Variants in ABR observed in about 807,000 individuals in gnomAD.
ABR encodes ABR activator of RhoGEF and GTPase.
Under a neutral mutation model 107.2 loss-of-function variants are expected in ABR, and 35 were observed. The ratio of observed to expected loss-of-function variants is 0.33; its 90% confidence interval spans 0.25 to 0.43. The LOEUF is 0.43. ABR is among the 20% of genes least tolerant of loss of function. ABR has a pLI of 1.00. For missense variants in ABR, 815 were observed against 1,115.2 expected (o/e 0.73, Z 3.83); for synonymous variants, 498 against 462.0 (o/e 1.08, Z -1.00).
intron 1 of ABR, among the ~76,000 whole-genome samples, chr17:1,142,323 G>T (rs529926782): frequency 4.6e-5 from 7 of 151,966 alleles, no homozygotes; most frequent in Non-Finnish European, 1.0e-4. Context: ...AGTGGCTCAC[G>T]CCTGTCATCC....
intron 5 of ABR, among the ~76,000 whole-genome samples, chr17:1,079,870 C>T (rs1484371581): frequency 6.7e-6 from 1 of 149,890 alleles, no homozygotes; most frequent in Non-Finnish European, 1.5e-5. Context: ...CCTCTGCCAC[C>T]CCAATCCCCT....
At chr17:1,184,040 G>A (rs1161245152), upstream of ABR, among the ~76,000 whole-genome samples, 10 of 151,718 alleles carry the variant, frequency 6.6e-5, no homozygotes, top group African/African-American at 1.2e-4. Context: ...GTGAAACCCC[G>A]TCTCTACTAA....
chr17:1,152,400 G>A (rs2040836247), intron 1 of ABR, among the ~76,000 whole-genome samples: 1 of 151,640 alleles, frequency 6.6e-6, no homozygotes, highest in African/African-American at 2.4e-5. Flanking sequence ...GACCAGCCTG[G>A]TCAACATGGG....
intron 2 of ABR, among the ~76,000 whole-genome samples, chr17:1,104,707 C>T (rs2038127314): frequency 6.6e-6 from 1 of 152,244 alleles, no homozygotes; most frequent in Non-Finnish European, 1.5e-5. Flanking sequence ...ACCCTCTCCT[C>T]TCCCAGCGCT....
intron 16 of ABR, among the ~76,000 whole-genome samples, chr17:1,019,951 C>A (rs750511480): frequency 9.2e-5 from 14 of 152,172 alleles, no homozygotes; most frequent in Non-Finnish European, 1.8e-4. Flanking sequence ...AGCACTGGGG[C>A]CTCCCCAAGG....
chr17:1,113,292 T>TTC (rs1041549939), intron 2 of ABR, among the ~76,000 whole-genome samples: 5 of 142,832 alleles, frequency 3.5e-5, no homozygotes, highest in African/African-American at 1.0e-4. Flanking sequence ...TTTTTTTTTT[T>TTC]TTTTTTTTTT....
intron 10 of ABR, among the ~76,000 whole-genome samples, chr17:1,065,121 G>C (rs1200790055): frequency 1.6e-5 from 1 of 64,010 alleles, no homozygotes; most frequent in Non-Finnish European, 3.1e-5. Flanking sequence ...TGAGGGCTAT[G>C]CATGTTCCTC....
At chr17:1,173,132 CA>C (rs2041792902) in intron 1 of ABR, among the ~76,000 whole-genome samples, 7 of 118,772 alleles carry the variant, frequency 5.9e-5, no homozygotes, top group Non-Finnish European at 1.2e-4. Flanking sequence ...GTCCACCCCC[CA>C]CACATCACCT....
Position 1,013,076 on chromosome 17 carries a change from G to A in ABR, c.1851+29C>T, listed in dbSNP as rs200093564. ...ACAGACGTTCCACCTCCCGGCTCAC[G>A]CCACTGATCATTCCCATCCCCGGCT... On this transcript the variant is annotated intron_variant, in intron 17 of 22. Coordinates refer to ENST00000302538, the MANE Select transcript of ABR (RefSeq NM_021962.5). 3.2e-4 allele frequency: 508 copies of A among 1,612,440 alleles called. 2 individuals are homozygous for A. In the Middle Eastern group the frequency reaches 3.8e-3, roughly 12 times the overall value.
intron 1 of ABR, among the ~76,000 whole-genome samples, chr17:1,140,282 G>C (rs936262777): frequency 6.6e-6 from 1 of 152,206 alleles, no homozygotes; most frequent in Non-Finnish European, 1.5e-5. Context: ...GCTGGTTCCG[G>C]GGGAACAGAC....
In ABR at chr17:1,031,746, G is replaced by A. The variant is rs534723101; in HGVS notation, c.1791+18304C>T. On this transcript the variant is annotated intron_variant, in intron 16 of 22. Transcript: ENST00000302538. ...CTGGGGCAGGACGTCGGTCATGCCG[G>A]GGGGGACGGGACGCGGCGCTGGAGA... 6.5e-6 allele frequency: 8 copies of A among 1,237,406 alleles called. No homozygotes were observed. The African/African-American group carries it at 1.1e-4, about 17-fold the overall frequency. The allele number at this position is 1,237,406 out of a possible 1,614,324, so 76.7% of individuals were successfully genotyped here. A position where few individuals can be genotyped will look rare whatever the true frequency, so the allele number is the denominator to read the frequency against.
rs781645642 is a variant in ABR, at chr17:1,007,202, G to A, written c.2453C>T (p.Ser818Leu). Reference protein sequence around the residue: ...SEVESKAHLTSAADIWSHDVM... With the variant: ...SEVESKAHLTLAADIWSHDVM... ...GTCATGGGACCAGATGTCCGCAGCC[G>A]AGGTGAGGTGTGCTTTGCTCTCCAC... Residue 818 changes from serine (S) to leucine (L), a missense_variant, in exon 22 of 23, where the codon TCG becomes TTG. Transcript: ENST00000302538. 11 of 1,613,872 alleles carry A rather than the reference G, an allele frequency of 6.8e-6. No individual in the cohort carries two copies. In the East Asian group the frequency reaches 1.8e-4, roughly 26 times the overall value.
intron 2 of ABR, chr17:1,109,110 A>G: frequency 6.6e-7 from 1 of 1,525,586 alleles, no homozygotes; most frequent in Non-Finnish European, 8.8e-7. Flanking sequence ...AGCGGGGTCC[A>G]CGCAGCGGCG....
At chr17:1,046,432 G>A (rs942841073) in intron 16 of ABR, among the ~76,000 whole-genome samples, 6 of 152,010 alleles carry the variant, frequency 3.9e-5, no homozygotes, top group African/African-American at 1.4e-4. Context: ...CACCACGCCT[G>A]GCTAATTTTT....
intron 16 of ABR, among the ~76,000 whole-genome samples, chr17:1,032,926 G>T (rs1033248181): frequency 2.0e-5 from 3 of 152,188 alleles, no homozygotes; most frequent in Non-Finnish European, 2.9e-5. Context: ...TCTTTCAAAC[G>T]CCCGACTGCA....
intron 1 of ABR, among the ~76,000 whole-genome samples, chr17:1,217,503 A>G (rs11867310): frequency 0.34 from 51,261 of 152,038 alleles, 10,977 homozygotes; most frequent in Non-Finnish European, 0.49. Flanking sequence ...TGTTATATAC[A>G]TATTGACTTA....
chr17:1,026,512 G>A (rs1415816679), intron 16 of ABR, among the ~76,000 whole-genome samples: 3 of 152,176 alleles, frequency 2.0e-5, no homozygotes, highest in African/African-American at 7.2e-5. Flanking sequence ...AGCGGGACTG[G>A]GGAAGTCTCT....
intron 7 of ABR, 32 bp from the exon 8 acceptor site, chr17:1,072,786 G>A (rs528012673): frequency 1.2e-6 from 2 of 1,605,638 alleles, no homozygotes; most frequent in Non-Finnish European, 1.7e-6. Context: ...GTTGAGGGGA[G>A]CGGCTCTGGG....
intron 1 of ABR, chr17:1,228,360 A>G (rs562714532): frequency 6.5e-6 from 1 of 152,802 alleles, no homozygotes; most frequent in Non-Finnish European, 1.5e-5. Flanking sequence ...CGCGGTTAGG[A>G]AAGCGGAGCT....
Sources: allele counts gnomAD v4.1 joint callset (sites outside exome capture counted in the v4.1 genomes callset), GRCh38; gene constraint gnomAD v4.1.1; transcripts MANE v1.5; gene names NCBI Gene and HGNC (gene_info 2026-07-23, HGNC 2026-07-21).